The following N4BP2 variants were observed in gnomAD, a reference collection of about 807,000 sequenced individuals.
N4BP2 encodes NEDD4-binding protein 2.
In N4BP2, 91 loss-of-function variants were observed where a neutral mutation model predicts 152.8. The observed-to-expected ratio is 0.60, with a 90% confidence interval of 0.50 to 0.71. The LOEUF is 0.71. Ranked by LOEUF, N4BP2 falls within the 30% of genes least tolerant of loss-of-function variation. N4BP2 has a pLI of 0.00. For missense variants in N4BP2, 1,923 were observed against 2,059.1 expected, an observed-to-expected ratio of 0.93 and a Z score of 1.28; for synonymous variants, 646 against 705.3, an observed-to-expected ratio of 0.92 and a Z score of 1.33.
the N4BP2 span, among the ~76,000 whole-genome samples, chr4:40,186,634 T>A: frequency 6.6e-6 from 1 of 152,240 alleles, no homozygotes; most frequent in African/African-American, 2.4e-5. Context: ...ACAAGTTGAA[T>A]CCAAATTCGT....
chr4:40,185,573 T>A, the N4BP2 span, among the ~76,000 whole-genome samples: 1 of 152,144 alleles, frequency 6.6e-6, no homozygotes, highest in Non-Finnish European at 1.5e-5. Flanking sequence ...GCTTGTTTTG[T>A]TTTTGGTAAA....
At chr4:40,128,550 T>TC (rs1468178579) in intron 12 of N4BP2, among the ~76,000 whole-genome samples, 8 of 151,744 alleles carry the variant, frequency 5.3e-5, no homozygotes, top group East Asian at 1.9e-4. Context: ...TTTTTTTTTT[T>TC]TGAGTCTCGT....
chr4:40,081,980 C>T (rs1307763594), intron 2 of N4BP2, among the ~76,000 whole-genome samples: 5 of 152,024 alleles, frequency 3.3e-5, no homozygotes, highest in African/African-American at 9.7e-5. Flanking sequence ...GGTGTGGTGG[C>T]GCATGCCTGT....
chr4:40,172,507 G>A, the N4BP2 span, among the ~76,000 whole-genome samples: 2 of 152,156 alleles, frequency 1.3e-5, no homozygotes, highest in Non-Finnish European at 2.9e-5. Flanking sequence ...TAAAAAGGAG[G>A]AATTTGGACA....
At chr4:40,119,199 C>T (rs1188031383) in intron 8 of N4BP2, among the ~76,000 whole-genome samples, 1 of 152,104 alleles carries the variant, frequency 6.6e-6, no homozygotes, top group Non-Finnish European at 1.5e-5. Flanking sequence ...TTAGTACATG[C>T]AAGGGACTTA....
In N4BP2 at chr4:40,154,419, G is replaced by T; in HGVS notation, c.*182G>T. On this transcript the variant is annotated 3_prime_UTR_variant, in exon 18 of 18. Coordinates refer to ENST00000261435, the MANE Select transcript of N4BP2 (RefSeq NM_018177.6). ...GGTTTGATTTTTTACTGAATCAAAT[G>T]CAAATGTTACCTGTTAAAGATATTA... 1 of 485,318 alleles carries T rather than the reference G, an allele frequency of 2.1e-6. No individual in the cohort carries two copies. Among genetic ancestry groups the T allele is most frequent in the South Asian group, 3.3e-5 (1 of 30,526 alleles). The allele number at this position is 485,318 out of a possible 1,614,324, so 30.1% of individuals were successfully genotyped here.
intron 12 of N4BP2, 108 bp downstream of exon 12, chr4:40,126,438 C>T (rs1718416912): frequency 3.7e-6 from 2 of 543,868 alleles, no homozygotes; most frequent in Non-Finnish European, 6.2e-6. Flanking sequence ...CCATATTTAA[C>T]CTGATTGAAT....
At position 40,142,866 on chromosome 4, in the gene N4BP2, A is replaced by C; in HGVS notation, c.4974+5A>C. ...GCCACCTTTTATGCCCAGCAGGTAAAGTGGAAAACTGATTATATATTTTTT... is the reference window on the plus strand; with the variant it reads ...GCCACCTTTTATGCCCAGCAGGTAACGTGGAAAACTGATTATATATTTTTT... On this transcript the variant is annotated splice_donor_5th_base_variant and intron_variant, in intron 15 of 17. Coordinates refer to ENST00000261435, the MANE Select transcript of N4BP2 (RefSeq NM_018177.6). The C allele has an allele frequency of 6.2e-7, 1 of 1,612,166 alleles. No individual in the cohort carries two copies. Among genetic ancestry groups the C allele is most frequent in the East Asian group, 2.2e-5 (1 of 44,862 alleles).
chr4:40,078,252 T>G (rs1404892480), intron 2 of N4BP2, among the ~76,000 whole-genome samples: 1 of 151,950 alleles, frequency 6.6e-6, no homozygotes, highest in South Asian at 2.1e-4. Context: ...ATTCTCATGC[T>G]TCAGTGTCCT....
intron 16 of N4BP2, among the ~76,000 whole-genome samples, chr4:40,150,734 A>C (rs1721079335): frequency 6.6e-6 from 1 of 152,110 alleles, no homozygotes; most frequent in Admixed American, 6.5e-5. Flanking sequence ...ATAAATTGTA[A>C]AGAAAAACAC....
chr4:40,088,012 C>T (rs564189878), intron 2 of N4BP2, among the ~76,000 whole-genome samples: 230 of 152,284 alleles, frequency 1.5e-3, no homozygotes, highest in Admixed American at 2.7e-3. Flanking sequence ...CCTTCCTTGG[C>T]CTCCCAAAGT....
At position 40,137,054 on chromosome 4, in the gene N4BP2, A is replaced by T. The variant is rs1291468120; in HGVS notation, c.4757A>T (p.His1586Leu). Residue 1586 changes from histidine (H) to leucine (L), a missense_variant, in exon 14 of 18, where the codon CAT (histidine) becomes CTT (leucine). Transcript: ENST00000261435. Reference protein sequence around the residue: ...FVHQNENVTSHTGQKSKEKKP... With the variant: ...FVHQNENVTSLTGQKSKEKKP... ...CACCAAAATGAGAATGTCACATCTC[A>T]TACTGGCCAGAAGTCTAAAGAGAAA... is the stretch of plus-strand genomic sequence containing the variant. The T allele has an allele frequency of 6.2e-6, 10 of 1,613,468 alleles. No individual in the cohort carries two copies. Among genetic ancestry groups the T allele is most frequent in the Non-Finnish European group, 8.5e-6 (10 of 1,179,506 alleles).
At chr4:40,068,234 T>C (rs1423706236) in intron 1 of N4BP2, among the ~76,000 whole-genome samples, 1 of 152,224 alleles carries the variant, frequency 6.6e-6, no homozygotes, top group African/African-American at 2.4e-5. Flanking sequence ...TTATCAGATG[T>C]ATGGTTTGCA....
chr4:40,134,428 C>T (rs919795436), intron 13 of N4BP2, among the ~76,000 whole-genome samples: 2 of 152,134 alleles, frequency 1.3e-5, no homozygotes, highest in African/African-American at 4.8e-5. Flanking sequence ...AGCCAGGGCC[C>T]TCATGTTAGG....
At chr4:40,096,046 A>G (rs1052792750) in intron 2 of N4BP2, among the ~76,000 whole-genome samples, 1 of 152,284 alleles carries the variant, frequency 6.6e-6, no homozygotes. Context: ...TTTGGGAAAT[A>G]TATTAGACAT....
the N4BP2 span, among the ~76,000 whole-genome samples, chr4:40,187,342 G>A: frequency 6.7e-6 from 1 of 149,852 alleles, no homozygotes; most frequent in Non-Finnish European, 1.5e-5. Flanking sequence ...TACACATTCT[G>A]GACATTTGTG....
intron 16 of N4BP2, among the ~76,000 whole-genome samples, chr4:40,148,287 A>G (rs1346804687): frequency 2.0e-5 from 3 of 152,244 alleles, no homozygotes; most frequent in Non-Finnish European, 4.4e-5. Context: ...TGTCTCCACC[A>G]AAAAAATAAG....
Position 40,122,276 on chromosome 4 carries a change from A to G in N4BP2, c.4165A>G (p.Asn1389Asp). 2.5e-6 allele frequency: 4 copies of G among 1,589,246 alleles called. No homozygotes were observed. In the South Asian group the frequency reaches 3.4e-5, roughly 13 times the overall value. ...ACCCCCTGAACTGGCTTTTCAACTT[A>G]ATGAATTATTTGGTCCTGTTGGTAT... The part of the protein sequence containing the change: ...ALPPELAFQL[N>D]ELFGPVGIDS... The change falls in exon 9 of 18, where the codon AAT (asparagine) becomes GAT (aspartate). Residue 1389 changes from asparagine to aspartate, a missense_variant. Coordinates refer to ENST00000261435, the MANE Select transcript of N4BP2 (RefSeq NM_018177.6).
Position 40,120,792 on chromosome 4 carries a change from G to A in N4BP2, c.2681G>A (p.Arg894Lys). 8.1e-6 allele frequency: 13 copies of A among 1,614,116 alleles called. No homozygotes were observed. The highest frequency in any genetic ancestry group is 1.1e-5 in the Non-Finnish European group (13 of 1,180,008). The change falls in exon 9 of 18, where the codon AGG becomes AAG. Residue 894 changes from arginine (R) to lysine (K), a missense_variant. Coordinates refer to ENST00000261435, the MANE Select transcript of N4BP2 (RefSeq NM_018177.6). ...CCTTCATCTGATTCTTTAGCTCAGAGGGAACACAGATCAAGAATGCCAAAG... is the reference window on the plus strand; with the variant it reads ...CCTTCATCTGATTCTTTAGCTCAGAAGGAACACAGATCAAGAATGCCAAAG... ...DWPSSDSLAQ[R>K]EHRSRMPKTG...
Sources: allele counts gnomAD v4.1 joint callset (sites outside exome capture counted in the v4.1 genomes callset), GRCh38; gene constraint gnomAD v4.1.1; transcripts MANE v1.5; gene names NCBI Gene and HGNC (gene_info 2026-07-23, HGNC 2026-07-21).